The following SLC9A5 variants were observed in gnomAD, a reference collection of about 807,000 sequenced individuals.
SLC9A5 encodes the protein sodium/hydrogen exchanger 5.
SLC9A5 carries 52 observed loss-of-function variants against 91.7 expected under a neutral mutation model. That is an observed-to-expected ratio of 0.57 (90% CI 0.45 to 0.71). The LOEUF is 0.71. SLC9A5 is among the 30% of genes least tolerant of loss of function. The probability of loss-of-function intolerance (pLI) is 0.00; values close to 1 mark genes in which losing one functional copy is unlikely to be tolerated. For missense variants in SLC9A5, 871 were observed against 1,158.9 expected (o/e 0.75, Z 3.61); for synonymous variants, 419 against 474.5 (o/e 0.88, Z 1.52).
At chr16:67,250,376 G>A (rs947177252) in intron 1 of SLC9A5, among the ~76,000 whole-genome samples, 5 of 152,208 alleles carry the variant, frequency 3.3e-5, no homozygotes, top group Non-Finnish European at 5.9e-5. Flanking sequence ...GACCAAAGTA[G>A]GGACAAGTAT....
intron 2 of SLC9A5, 92 bp from the exon 3 acceptor site, chr16:67,254,929 G>C: frequency 7.8e-7 from 1 of 1,284,278 alleles, no homozygotes; most frequent in African/African-American, 1.5e-5. Context: ...GCTGTTATCA[G>C]CAGGGGTGGG....
rs926449881 is a variant in SLC9A5, at chr16:67,257,208, A to G, written c.1335+95A>G. 4.9e-6 allele frequency: 7 copies of G among 1,418,018 alleles called. No homozygotes were observed. The highest frequency in any genetic ancestry group is 6.8e-6 in the Non-Finnish European group (7 of 1,025,368). The allele number at this position is 1,418,018 out of a possible 1,614,324, so 87.8% of individuals were successfully genotyped here. On this transcript the variant is annotated intron_variant, in intron 7 of 15. Coordinates refer to ENST00000299798, the MANE Select transcript of SLC9A5 (RefSeq NM_004594.3). This position sits in a 1 kb window ranked among gnomAD's most constrained non-coding sequence, Gnocchi z 5.1. Reference sequence around the variant, plus strand: ...GACAGGGGCTTCTCTTCCCGCTGGGAGATGGAGGGCCCTGACTTCCCAGAC... The same window carrying G: ...GACAGGGGCTTCTCTTCCCGCTGGGGGATGGAGGGCCCTGACTTCCCAGAC...
chr16:67,249,131 G>A lies in SLC9A5; in HGVS notation c.117G>A (p.Trp39Ter). Residue 39 changes from tryptophan to a stop codon, truncating the protein, a stop_gained, in exon 1 of 16, where the codon TGG becomes TGA. Coordinates refer to ENST00000299798, the MANE Select transcript of SLC9A5 (RefSeq NM_004594.3). LOFTEE classifies it high-confidence loss of function. ...CCCCAGGCTTAGAGCTCTTCCGCTG[G>A]CAGTGGCACGAGGTGGAGGCGCCCT... is the stretch of plus-strand genomic sequence containing the variant. The part of the protein sequence containing the change: ...EPPPGLELFR[W>*]QWHEVEAPYL... 3.8e-6 allele frequency: 6 copies of A among 1,559,616 alleles called. No individual in the cohort carries two copies. Among genetic ancestry groups the A allele is most frequent in the East Asian group, 4.9e-5 (2 of 40,600 alleles).
chr16:67,256,022 C>A lies in SLC9A5; in HGVS notation c.911+92C>A. On this transcript the variant is annotated intron_variant, in intron 5 of 15. Coordinates refer to ENST00000299798, the MANE Select transcript of SLC9A5 (RefSeq NM_004594.3). The surrounding 1 kb of genome is among the most constrained non-coding windows in gnomAD (Gnocchi z 4.1). ...GGACACAGGCAGGAACTTCAGGAGT[C>A]CATAGGTTTCCCTGAGCCCTTGTGG... The A allele has an allele frequency of 2.2e-6, 3 of 1,360,016 alleles. No homozygotes were observed. Among genetic ancestry groups the A allele is most frequent in the Non-Finnish European group, 2.0e-6 (2 of 993,552 alleles). 84.2% of individuals were successfully genotyped at this position (1,360,016 alleles called of 1,614,324 possible).
chr16:67,266,788 A>G (rs1192684010), intron 15 of SLC9A5, among the ~76,000 whole-genome samples: 1 of 144,406 alleles, frequency 6.9e-6, no homozygotes, highest in African/African-American at 2.6e-5. Context: ...TGATCCACCC[A>G]CCTTGGTCTC....
At chr16:67,268,658 TTATATATATATATATATATATATATA>T (rs60054219) in intron 15 of SLC9A5, among the ~76,000 whole-genome samples, 853 of 42,338 alleles carry the variant, frequency 0.02, 75 homozygotes, top group African/African-American at 0.055. Flanking sequence ...ATTTCCCTGA[TTATATATATATATATATATATATATA>T]TATATATATA....
At chr16:67,251,166 T>C (rs1245990709) in intron 1 of SLC9A5, among the ~76,000 whole-genome samples, 3 of 152,176 alleles carry the variant, frequency 2.0e-5, no homozygotes, top group Non-Finnish European at 4.4e-5. Flanking sequence ...ACATAGAATG[T>C]GCTAAGGCTG....
Position 67,271,810 on chromosome 16 carries a change from G to C in SLC9A5, c.*600G>C, listed in dbSNP as rs1222039204. 6.5e-6 allele frequency: 1 copy of C among 152,952 alleles called. No homozygotes were observed. The highest frequency in any genetic ancestry group is 2.1e-4 in the South Asian group (1 of 4,856). The allele number at this position is 152,952 out of a possible 1,614,324, so 9.5% of individuals were successfully genotyped here. The stretch of plus-strand genomic sequence containing the variant: ...CTTCCTGCTTTAGCCCCTTCCCTTT[G>C]CTGCCAGGTATTGGGGTAATATTTC... On this transcript the variant is annotated 3_prime_UTR_variant, in exon 16 of 16. Transcript: ENST00000299798.
In SLC9A5 at chr16:67,252,727, AGCAGGCT is replaced by A; in HGVS notation, c.375_381del (p.Arg126SerfsTer14). ...GTTGGACTCAGGCTATTTCATGCCT[AGCAGGCT>A]GTTCTTTGACAACTTGGGTGCCATC... On this transcript the variant is annotated frameshift_variant, in exon 2 of 16. Coordinates refer to ENST00000299798, the MANE Select transcript of SLC9A5 (RefSeq NM_004594.3). LOFTEE classifies it high-confidence loss of function. This position sits in a 1 kb window ranked among gnomAD's most constrained non-coding sequence, Gnocchi z 4.0. 1 of 1,614,202 alleles carries A rather than the reference AGCAGGCT, an allele frequency of 6.2e-7. No individual in the cohort carries two copies. The highest frequency in any genetic ancestry group is 8.5e-7 in the Non-Finnish European group (1 of 1,180,014).
chr16:67,259,063 G>A (rs570769454), intron 10 of SLC9A5, among the ~76,000 whole-genome samples: 72 of 147,802 alleles, frequency 4.9e-4, no homozygotes, highest in Non-Finnish European at 8.6e-4. Context: ...GTTCGAAACC[G>A]GCCTGGCCAA....
In SLC9A5 at chr16:67,252,897, T is replaced by C; in HGVS notation, c.490+53T>C. On this transcript the variant is annotated intron_variant, in intron 2 of 15. Transcript: ENST00000299798. This position sits in a 1 kb window ranked among gnomAD's most constrained non-coding sequence, Gnocchi z 4.0. ...CCAGACCCATCACCCCTCTCCCTTC[T>C]CCTCAAGCTCTGGAGGCCCATGCTG... 6.7e-7 allele frequency: 1 copy of C among 1,496,332 alleles called. No homozygotes were observed. Among genetic ancestry groups the C allele is most frequent in the Non-Finnish European group, 9.0e-7 (1 of 1,107,516 alleles). 92.7% of individuals were successfully genotyped at this position (1,496,332 alleles called of 1,614,324 possible). A position where few individuals can be genotyped will look rare whatever the true frequency, so the allele number is the denominator to read the frequency against.
rs767048368 is a variant in SLC9A5, at chr16:67,259,563, A to C, written c.1627-10A>C. The C allele has an allele frequency of 1.3e-5, 21 of 1,612,632 alleles. No individual in the cohort carries two copies. Among genetic ancestry groups the C allele is most frequent in the Non-Finnish European group, 1.7e-5 (20 of 1,178,818 alleles). The stretch of plus-strand genomic sequence containing the variant: ...TGATTGCTGGCTGACCTTGGTCTTG[A>C]CACCTGCAGGGAGGCCACGTCTTGT... On this transcript the variant is annotated splice_polypyrimidine_tract_variant and intron_variant, in intron 10 of 15. Coordinates refer to ENST00000299798, the MANE Select transcript of SLC9A5 (RefSeq NM_004594.3).
intron 12 of SLC9A5, 76 bp downstream of exon 12, chr16:67,260,022 G>A: frequency 6.5e-7 from 1 of 1,543,974 alleles, no homozygotes; most frequent in Non-Finnish European, 8.7e-7. Flanking sequence ...GTTGGCGCCA[G>A]CTTGTTGGAG....
chr16:67,249,261 C>T, intron 1 of SLC9A5, 60 bp downstream of exon 1: 1 of 1,277,302 alleles, frequency 7.8e-7, no homozygotes, highest in Non-Finnish European at 1.0e-6. Context: ...CCCCAACACC[C>T]CCACCTCCTC....
chr16:67,263,793 GA>G (rs958818351), intron 12 of SLC9A5: 34 of 149,062 alleles, frequency 2.3e-4, no homozygotes, highest in African/African-American at 2.7e-4. Context: ...TCAAAAAAAA[GA>G]AAAAAAAAAG....
chr16:67,259,361 CAAAAAAAAAA>C (rs764650700), intron 10 of SLC9A5, among the ~76,000 whole-genome samples: 1 of 43,362 alleles, frequency 2.3e-5, no homozygotes, highest in Non-Finnish European at 5.3e-5. Flanking sequence ...GACTCTGTCT[CAAAAAAAAAA>C]AAAAAAAAAA....
Position 67,255,206 on chromosome 16 carries a change from C to T in SLC9A5, c.654+22C>T, listed in dbSNP as rs761478382. On this transcript the variant is annotated intron_variant, in intron 3 of 15. Transcript: ENST00000299798. The surrounding 1 kb of genome is among the most constrained non-coding windows in gnomAD (Gnocchi z 4.9). The stretch of plus-strand genomic sequence containing the variant: ...CGTGGTGAGCGTGCTCAGCTGACTG[C>T]CATTCCCTGACCCCAGGCTGCATGC... The T allele has an allele frequency of 3.7e-6, 6 of 1,606,928 alleles. 1 individual carries two copies. In the Admixed American group the frequency reaches 5.0e-5, roughly 13 times the overall value.
chr16:67,248,994 G>A lies in SLC9A5; in HGVS notation c.-21G>A. ...GCCGGCGGCCGTGCGGTGCCGGGAGGGCGGCTGGGCAGGCGGCAGGATGCT... is the reference window on the plus strand; with the variant it reads ...GCCGGCGGCCGTGCGGTGCCGGGAGAGCGGCTGGGCAGGCGGCAGGATGCT... On this transcript the variant is annotated 5_prime_UTR_variant, in exon 1 of 16. Coordinates refer to ENST00000299798, the MANE Select transcript of SLC9A5 (RefSeq NM_004594.3). This position sits in a 1 kb window ranked among gnomAD's most constrained non-coding sequence, Gnocchi z 5.3. 1.6e-6 allele frequency: 2 copies of A among 1,243,764 alleles called. No homozygotes were observed. The highest frequency in any genetic ancestry group is 2.0e-6 in the Non-Finnish European group (2 of 992,078). The allele number at this position is 1,243,764 out of a possible 1,614,324, so 77.0% of individuals were successfully genotyped here. A position where few individuals can be genotyped will look rare whatever the true frequency, so the allele number is the denominator to read the frequency against.
At position 67,252,578 on chromosome 16, in the gene SLC9A5, C is replaced by T; in HGVS notation, c.224C>T (p.Pro75Leu). The T allele has an allele frequency of 6.2e-7, 1 of 1,613,880 alleles. No individual in the cohort carries two copies. The highest frequency in any genetic ancestry group is 8.5e-7 in the Non-Finnish European group (1 of 1,179,978). The change falls in exon 2 of 16, where the codon CCT becomes CTT. Residue 75 changes from proline (P) to leucine (L), a missense_variant. By Grantham distance (98) the Pro-to-Leu change is moderately conservative. Coordinates refer to ENST00000299798, the MANE Select transcript of SLC9A5 (RefSeq NM_004594.3). This position sits in a 1 kb window ranked among gnomAD's most constrained non-coding sequence, Gnocchi z 4.0. ...TCTCGGAAAGTAACATCTCTGGTCC[C>T]TGAGAGCTGCCTGCTGATTTTGCTG... is the stretch of plus-strand genomic sequence containing the variant. Reference protein sequence around the residue: ...HLSRKVTSLVPESCLLILLGL... With the variant: ...HLSRKVTSLVLESCLLILLGL...
Sources: gnomAD v4.1 joint callset for allele counts (sites outside exome capture counted in the v4.1 genomes callset) on GRCh38, gnomAD v4.1.1 for gene constraint, Gnocchi (gnomAD v3.1) non-coding constraint, MANE v1.5 for transcripts, NCBI Gene and HGNC (gene_info 2026-07-23, HGNC 2026-07-21) for gene names.